The following CIT variants were observed in gnomAD, a reference collection of about 807,000 sequenced individuals.
CIT encodes the protein citron Rho-interacting kinase.
Under a neutral mutation model 272.7 loss-of-function variants are expected in CIT, and 79 were observed. The observed-to-expected ratio is 0.29, with a 90% CI of 0.24 to 0.35. The LOEUF (loss-of-function observed/expected upper bound fraction) is 0.35, where lower values mean the gene tolerates loss of function less well. Among genes scored for constraint, CIT ranks in the 10% least tolerant of loss-of-function variants. CIT has a pLI of 1.00. For missense variants in CIT, 1,909 were observed against 2,618.3 expected, an observed-to-expected ratio of 0.73 and a Z score of 5.91; for synonymous variants, 948 against 995.6, an observed-to-expected ratio of 0.95 and a Z score of 0.90.
At position 119,704,345 on chromosome 12, in the gene CIT, G is replaced by A. The variant is rs765294022; in HGVS notation, c.5304+18C>T. On this transcript the variant is annotated intron_variant, in intron 41 of 47. Coordinates refer to ENST00000392521, the MANE Select transcript of CIT (RefSeq NM_001206999.2). ...ACTGGCTTTCCCACGTTCAACCAAG[G>A]CAAGGCCCAGGACTTACTTTCCGGA... 6.2e-7 allele frequency: 1 copy of A among 1,611,822 alleles called. No individual in the cohort carries two copies. The highest frequency in any genetic ancestry group is 1.7e-5 in the Admixed American group (1 of 60,004).
At chr12:119,874,839 A>C (rs1950793300) in intron 2 of CIT, among the ~76,000 whole-genome samples, 1 of 150,918 alleles carries the variant, frequency 6.6e-6, no homozygotes, top group African/African-American at 2.4e-5. Flanking sequence ...GTGAGCCGAG[A>C]TCGCGCCACT....
At chr12:119,832,940 G>T in intron 6 of CIT, 76 bp from the exon 7 acceptor site, 3 of 1,057,508 alleles carry the variant, frequency 2.8e-6, no homozygotes, top group South Asian at 1.3e-5. Flanking sequence ...AATCTCAATT[G>T]AGCCAAAAAT....
chr12:119,815,104 CA>C (rs552475435), intron 9 of CIT, among the ~76,000 whole-genome samples: 3,724 of 73,600 alleles, frequency 0.051, 87 homozygotes, highest in East Asian at 0.34. Context: ...CACACACACA[CA>C]ACACACACAC....
chr12:119,697,984 G>A lies in CIT; in HGVS notation c.5694C>T (p.Ser1898=). The change falls in exon 45 of 48, where the codon TCC becomes TCT. Residue 1898 remains serine, a synonymous_variant. Transcript: ENST00000392521. This position sits in a 1 kb window ranked among gnomAD's most constrained non-coding sequence, Gnocchi z 4.9. ...SLEVIEIQAR[S]SAGTPARAYL... ...GGGAGGACAATGCTTACCCTGCTGAGGAGCGTGCCTGGATCTCAATTACTT... is the reference window on the plus strand; with the variant it reads ...GGGAGGACAATGCTTACCCTGCTGAAGAGCGTGCCTGGATCTCAATTACTT... 1 of 1,614,240 alleles carries A rather than the reference G, an allele frequency of 6.2e-7. No individual in the cohort carries two copies. The highest frequency in any genetic ancestry group is 8.5e-7 in the Non-Finnish European group (1 of 1,180,042).
intron 28 of CIT, among the ~76,000 whole-genome samples, chr12:119,724,403 C>A (rs1957973221): frequency 6.6e-6 from 1 of 151,998 alleles, no homozygotes; most frequent in Non-Finnish European, 1.5e-5. Flanking sequence ...TGTAATAGAA[C>A]CAATAGGTAA....
chr12:119,793,454 C>G (rs893391068), intron 10 of CIT, among the ~76,000 whole-genome samples: 1 of 152,220 alleles, frequency 6.6e-6, no homozygotes, highest in African/African-American at 2.4e-5. Flanking sequence ...TGGTCAGAGG[C>G]ACACTTTGTG....
intron 9 of CIT, among the ~76,000 whole-genome samples, chr12:119,815,479 G>A (rs960910097): frequency 1.4e-4 from 21 of 152,166 alleles, no homozygotes; most frequent in Non-Finnish European, 2.9e-4. Flanking sequence ...GGCCGAGGTG[G>A]GCGGATTACC....
intron 22 of CIT, 24 bp downstream of exon 22, chr12:119,757,347 C>CA: frequency 6.2e-7 from 1 of 1,612,516 alleles, no homozygotes; most frequent in Non-Finnish European, 8.5e-7. Flanking sequence ...CAAATCCTCC[C>CA]AGGAGATGAC....
intron 18 of CIT, among the ~76,000 whole-genome samples, chr12:119,769,004 G>A (rs1036594824): frequency 1.3e-5 from 2 of 152,066 alleles, no homozygotes; most frequent in Non-Finnish European, 2.9e-5. Flanking sequence ...ACTCCGGCGG[G>A]TGGCAAGATA....
Position 119,784,751 on chromosome 12 carries a change from G to A in CIT, c.1401+209C>T. On this transcript the variant is annotated intron_variant, in intron 11 of 47. Transcript: ENST00000392521. This position sits in a 1 kb window ranked among gnomAD's most constrained non-coding sequence, Gnocchi z 4.7. ...CTGTTTAAATCCAGGGCCTCCTCTG[G>A]TTTAGATTTAAAGGATTTACAGCAA... The A allele has an allele frequency of 3.6e-6, 5 of 1,406,740 alleles. No individual in the cohort carries two copies. The allele number at this position is 1,406,740 out of a possible 1,614,324, so 87.1% of individuals were successfully genotyped here. A position where few individuals can be genotyped will look rare whatever the true frequency, so the allele number is the denominator to read the frequency against.
intron 39 of CIT, among the ~76,000 whole-genome samples, chr12:119,709,952 G>A (rs944619733): frequency 2.6e-5 from 4 of 152,110 alleles, no homozygotes; most frequent in Non-Finnish European, 4.4e-5. Context: ...CGGTGGTTTC[G>A]TTGCAATCAG....
intron 10 of CIT, among the ~76,000 whole-genome samples, chr12:119,797,359 A>G (rs1965814745): frequency 6.6e-6 from 1 of 152,256 alleles, no homozygotes; most frequent in South Asian, 2.1e-4. Context: ...CACAGTCTAA[A>G]TAGAGAACAG....
At chr12:119,828,173 T>C (rs1968322157) in intron 7 of CIT, among the ~76,000 whole-genome samples, 1 of 152,228 alleles carries the variant, frequency 6.6e-6, no homozygotes, top group South Asian at 2.1e-4. Context: ...GCACAATCAT[T>C]TTCTAATTTT....
In CIT at chr12:119,857,534, C is replaced by A; in HGVS notation, c.403G>T (p.Ala135Ser). The change falls in exon 4 of 48, where the codon GCC (alanine) becomes TCC (serine). Residue 135 changes from alanine to serine, a missense_variant. Coordinates refer to ENST00000392521, the MANE Select transcript of CIT (RefSeq NM_001206999.2). Reference protein sequence around the residue: ...MKVMKKKALLAQEQVSFFEEE... With the variant: ...MKVMKKKALLSQEQVSFFEEE... ...TAAAATCCTCCTACCTGCTCCTGGG[C>A]CAATAAAGCCTTCTTCTTCATCACT... is the stretch of plus-strand genomic sequence containing the variant. The A allele has an allele frequency of 6.2e-7, 1 of 1,614,042 alleles. No homozygotes were observed. The highest frequency in any genetic ancestry group is 8.5e-7 in the Non-Finnish European group (1 of 1,179,986).
In CIT at chr12:119,728,409, TTGCTGTGAACCTAAAGCTGCTCCA is replaced by T; in HGVS notation, c.3591+69_3591+92del. ...AACTCTCTGTGCTTTCTGCTCAATT[TTGCTGTGAACCTAAAGCTGCTCCA>T]AAAAAAAGAAGCCTATTAAAAGAAA... is the stretch of plus-strand genomic sequence containing the variant. On this transcript the variant is annotated intron_variant, in intron 28 of 47. Transcript: ENST00000392521. This position sits in a 1 kb window ranked among gnomAD's most constrained non-coding sequence, Gnocchi z 4.3. The T allele has an allele frequency of 2.7e-6, 2 of 743,654 alleles. No individual in the cohort carries two copies. The highest frequency in any genetic ancestry group is 1.7e-5 in the South Asian group (1 of 59,842). 46.1% of individuals were successfully genotyped at this position (743,654 alleles called of 1,614,324 possible).
chr12:119,792,864 A>G (rs184637970), intron 10 of CIT, among the ~76,000 whole-genome samples: 206 of 152,034 alleles, frequency 1.4e-3, no homozygotes, highest in Non-Finnish European at 2.2e-3. Flanking sequence ...CGGGAGGCTG[A>G]GGCAGGAGAA....
At chr12:119,699,530 T>G (rs1483427014) in intron 44 of CIT, among the ~76,000 whole-genome samples, 1 of 152,216 alleles carries the variant, frequency 6.6e-6, no homozygotes, top group Non-Finnish European at 1.5e-5. Context: ...GACTCTGCGG[T>G]CTGCTCTAAC....
chr12:119,757,725 G>T (rs113064276), intron 21 of CIT, among the ~76,000 whole-genome samples, 180 bp from the exon 22 acceptor site: 8 of 152,178 alleles, frequency 5.3e-5, no homozygotes, highest in African/African-American at 1.9e-4. Flanking sequence ...CATGACGAAC[G>T]TGGGGACCAT....
intron 18 of CIT, among the ~76,000 whole-genome samples, chr12:119,769,917 T>C (rs1403748303): frequency 6.6e-6 from 1 of 152,142 alleles, no homozygotes; most frequent in Non-Finnish European, 1.5e-5. Context: ...CCAGAAGTGA[T>C]GTGAAGAGAG....
Sources: gnomAD v4.1 joint callset for allele counts (sites outside exome capture counted in the v4.1 genomes callset) on GRCh38, gnomAD v4.1.1 for gene constraint, Gnocchi (gnomAD v3.1) non-coding constraint, MANE v1.5 for transcripts, NCBI Gene and HGNC (gene_info 2026-07-23, HGNC 2026-07-21) for gene names.